Variants in ZNF585A observed in about 807,000 individuals in gnomAD.
The protein encoded by ZNF585A is zinc finger protein 585A.
In ZNF585A, 9 loss-of-function variants were observed where a neutral mutation model predicts 14.9. That is an observed-to-expected ratio of 0.60 (90% CI 0.36 to 1.05). The LOEUF (loss-of-function observed/expected upper bound fraction) is 1.05. Among genes scored for constraint, ZNF585A ranks in the 50% least tolerant of loss-of-function variants. The probability of loss-of-function intolerance (pLI) is 0.01; values close to 1 mark genes in which losing one functional copy is unlikely to be tolerated. For synonymous variants in ZNF585A, 276 were observed against 319.9 expected (o/e 0.86, Z 1.46); for missense variants, 726 against 926.4 (o/e 0.78, Z 2.81).
chr19:37,172,494 G>T (rs1452134343), intron 1 of ZNF585A, 133 bp downstream of exon 1: 1 of 152,026 alleles, frequency 6.6e-6, no homozygotes, highest in African/African-American at 2.4e-5. Flanking sequence ...TGAGAAATCC[G>T]TCACAATCAA....
intron 2 of ZNF585A, among the ~76,000 whole-genome samples, chr19:37,157,121 C>T (rs1971944142): frequency 6.6e-6 from 1 of 152,132 alleles, no homozygotes; most frequent in Non-Finnish European, 1.5e-5. Context: ...ACTGTGTACA[C>T]CTGTATAATC....
At chr19:37,161,031 C>T (rs888573811) in intron 2 of ZNF585A, among the ~76,000 whole-genome samples, 24 of 152,076 alleles carry the variant, frequency 1.6e-4, no homozygotes, top group South Asian at 4.1e-4. Context: ...CCATACCCAG[C>T]TTTTACCAAA....
chr19:37,154,402 G>T (rs1023758244), intron 4 of ZNF585A, among the ~76,000 whole-genome samples: 3 of 152,022 alleles, frequency 2.0e-5, no homozygotes, highest in Non-Finnish European at 4.4e-5. Flanking sequence ...TGGGTGTGGG[G>T]GAAAGAGAAA....
In ZNF585A at chr19:37,153,151, C is replaced by T. The variant is rs1450091703; in HGVS notation, c.748G>A (p.Ala250Thr). 10 of 1,613,980 alleles carry T rather than the reference C, an allele frequency of 6.2e-6. No individual in the cohort carries two copies. The South Asian group carries it at 1.1e-4, about 18-fold the overall frequency. The change falls in exon 5 of 5, where the codon GCA (alanine) becomes ACA (threonine). Residue 250 changes from alanine to threonine, a missense_variant. Ala to Thr is a moderately conservative substitution (Grantham distance 58). Coordinates refer to ENST00000292841, the MANE Select transcript of ZNF585A (RefSeq NM_001288800.2). ...RHHECTDCGK[A>T]FTQKSTLKMH... ...TTGAGTGTGGACTTTTGTGTGAATG[C>T]TTTGCCACAGTCAGTGCATTCATGG... is the stretch of plus-strand genomic sequence containing the variant.
chr19:37,164,851 G>A (rs1286508584), intron 2 of ZNF585A, among the ~76,000 whole-genome samples: 1 of 152,052 alleles, frequency 6.6e-6, no homozygotes, highest in Non-Finnish European at 1.5e-5. Context: ...TTTGGTTTTT[G>A]TTGTAGAGAC....
intron 2 of ZNF585A, among the ~76,000 whole-genome samples, chr19:37,167,531 G>A (rs1456794894): frequency 6.6e-6 from 1 of 152,166 alleles, no homozygotes; most frequent in Non-Finnish European, 1.5e-5. Context: ...ATATTTTTAA[G>A]TGACCAGTTT....
rs967747969 is a variant in ZNF585A at position 37,150,656 on chromosome 19, T to G, written c.*933A>C. 6.6e-6 allele frequency: 1 copy of G among 152,412 alleles called. No homozygotes were observed. The highest frequency in any genetic ancestry group is 2.4e-5 in the African/African-American group (1 of 41,356). 9.4% of individuals were successfully genotyped at this position (152,412 alleles called of 1,614,324 possible). The stretch of plus-strand genomic sequence containing the variant: ...CCCTTTCCAGCCCTAAACATATGGT[T>G]GTGTTGGTTTTCATATAAGTTATTA... On this transcript the variant is annotated 3_prime_UTR_variant, in exon 5 of 5. Coordinates refer to ENST00000292841, the MANE Select transcript of ZNF585A (RefSeq NM_001288800.2).
intron 2 of ZNF585A, among the ~76,000 whole-genome samples, chr19:37,159,123 C>T (rs1184519754): frequency 6.6e-6 from 1 of 151,824 alleles, no homozygotes; most frequent in African/African-American, 2.4e-5. Context: ...GTGGCACACA[C>T]CTATAATCCC....
At chr19:37,161,944 G>C (rs1568497301) in intron 2 of ZNF585A, among the ~76,000 whole-genome samples, 1 of 151,988 alleles carries the variant, frequency 6.6e-6, no homozygotes, top group Admixed American at 6.6e-5. Context: ...TGTTTTTTGA[G>C]ATGGAGTTTC....
chr19:37,158,540 ACAATATGAAGAC>A (rs1971965987), intron 2 of ZNF585A, among the ~76,000 whole-genome samples: 1 of 152,218 alleles, frequency 6.6e-6, no homozygotes, highest in Non-Finnish European at 1.5e-5. Flanking sequence ...AACGTACTGA[ACAATATGAAGAC>A]CAAGACATCA....
rs764959718 is a variant in ZNF585A, at chr19:37,156,375, T to C, written c.73-20A>G. 3.7e-6 allele frequency: 6 copies of C among 1,613,938 alleles called. No individual in the cohort carries two copies. The Admixed American group carries it at 1.0e-4, about 27-fold the overall frequency. On this transcript the variant is annotated intron_variant, in intron 2 of 4. Transcript: ENST00000292841. ...TGATCCCTGTAAGGGCAAATTCTTG[T>C]TCAATGTGCACAGTCAGCTTAGAGG...
intron 2 of ZNF585A, among the ~76,000 whole-genome samples, chr19:37,164,757 G>C (rs1164726032): frequency 6.6e-6 from 1 of 152,170 alleles, no homozygotes; most frequent in Non-Finnish European, 1.5e-5. Context: ...GCTCACTGCA[G>C]CCTTGACAGG....
chr19:37,148,743 T>C lies in ZNF585A; in HGVS notation c.*2846A>G, dbSNP rs531172146. On this transcript the variant is annotated 3_prime_UTR_variant, in exon 5 of 5. Coordinates refer to ENST00000292841, the MANE Select transcript of ZNF585A (RefSeq NM_001288800.2). ...TATTTATAACAGCTTTCCTCATAATTGCCAAAAGGAAGCATCCAACAGTCC... is the reference window on the plus strand; with the variant it reads ...TATTTATAACAGCTTTCCTCATAATCGCCAAAAGGAAGCATCCAACAGTCC... The C allele has an allele frequency of 1.2e-4, 18 of 152,258 alleles. No homozygotes were observed. The South Asian group carries it at 2.5e-3, about 21-fold the overall frequency. The allele number at this position is 152,258 out of a possible 1,614,324, so 9.4% of individuals were successfully genotyped here.
At chr19:37,167,716 G>C (rs918676670) in intron 2 of ZNF585A, among the ~76,000 whole-genome samples, 3 of 151,894 alleles carry the variant, frequency 2.0e-5, no homozygotes, top group African/African-American at 7.3e-5. Flanking sequence ...CCGCCTTCCA[G>C]GTTCAAGTGA....
Position 37,156,694 on chromosome 19 carries a change from A to AT in ZNF585A, c.73-340dup, listed in dbSNP as rs113015250. On this transcript the variant is annotated intron_variant, in intron 2 of 4. Transcript: ENST00000292841. The stretch of plus-strand genomic sequence containing the variant: ...ACACCACACTTCTTCCTAATACTTC[A>AT]TTTTTTTTTTCTTCCGAAACAGAGT... Among the ~76,000 whole-genome samples, 141 of 149,226 alleles carry AT rather than the reference A, an allele frequency of 9.4e-4. 1 individual carries two copies. The highest frequency in any genetic ancestry group is 3.1e-3 in the African/African-American group (125 of 40,784).
rs1030624504 is a variant in ZNF585A at position 37,147,661 on chromosome 19, A to G, written c.*3928T>C. On this transcript the variant is annotated 3_prime_UTR_variant, in exon 5 of 5. Coordinates refer to ENST00000292841, the MANE Select transcript of ZNF585A (RefSeq NM_001288800.2). ...CAAGGAATATACAGTAATAAATATT[A>G]CAATATGCTATATAACATACTGTAG... 2.6e-5 allele frequency: 4 copies of G among 152,258 alleles called. No individual in the cohort carries two copies. Among genetic ancestry groups the G allele is most frequent in the African/African-American group, 9.6e-5 (4 of 41,474 alleles). The allele number at this position is 152,258 out of a possible 1,614,324, so 9.4% of individuals were successfully genotyped here. A position where few individuals can be genotyped will look rare whatever the true frequency, so the allele number is the denominator to read the frequency against.
chr19:37,160,854 CT>C (rs1568496822), intron 2 of ZNF585A, among the ~76,000 whole-genome samples: 1 of 151,958 alleles, frequency 6.6e-6, no homozygotes, highest in African/African-American at 2.4e-5. Context: ...CCAGAGAATT[CT>C]TTTTTTCTTC....
intron 2 of ZNF585A, chr19:37,165,736 G>C: frequency 2.5e-6 from 2 of 800,606 alleles, no homozygotes; most frequent in Non-Finnish European, 3.0e-6. Flanking sequence ...GCAAGGTTGA[G>C]AATAATTTTA....
rs1297572808 is a variant in ZNF585A, at chr19:37,153,105, G to A, written c.794C>T (p.Thr265Ile). The change falls in exon 5 of 5, where the codon ACA (threonine) becomes ATA (isoleucine). Residue 265 changes from threonine to isoleucine, a missense_variant. Physicochemically the swap from Thr to Ile is moderately conservative, Grantham distance 89. This residue lies in a region of ZNF585A where 483 missense variants were observed against 542.8 expected (regional missense o/e 0.89). Coordinates refer to ENST00000292841, the MANE Select transcript of ZNF585A (RefSeq NM_001288800.2). ...AATACAGATGTAGGATCTCTCGCCT[G>A]TATGGATTTTCTGATGCATCTTGAG... Reference protein sequence around the residue: ...STLKMHQKIHTGERSYICIEC... With the variant: ...STLKMHQKIHIGERSYICIEC... 2 of 1,614,140 alleles carry A rather than the reference G, an allele frequency of 1.2e-6. No individual in the cohort carries two copies. Among genetic ancestry groups the A allele is most frequent in the South Asian group, 1.1e-5 (1 of 91,086 alleles).
Sources: gnomAD v4.1 joint callset for allele counts (sites outside exome capture counted in the v4.1 genomes callset) on GRCh38, gnomAD v4.1.1 for gene constraint, gnomAD v4.1.1 regional missense constraint, MANE v1.5 for transcripts, NCBI Gene and HGNC (gene_info 2026-07-23, HGNC 2026-07-21) for gene names.